Variants in FRA10AC1 observed in about 807,000 individuals in gnomAD.
The protein encoded by FRA10AC1 is protein FRA10AC1.
Under a neutral mutation model 56.5 loss-of-function variants are expected in FRA10AC1, and 43 were observed. The observed-to-expected ratio is 0.76, with a 90% CI of 0.60 to 0.98. The LOEUF (loss-of-function observed/expected upper bound fraction) is 0.98, where lower values mean the gene tolerates loss of function less well. Ranked by LOEUF, FRA10AC1 falls within the 50% of genes least tolerant of loss-of-function variation. The pLI, the probability that FRA10AC1 is intolerant of heterozygous loss-of-function variation, is 0.00. For missense variants in FRA10AC1, 346 were observed against 351.8 expected, an observed-to-expected ratio of 0.98 and a Z score of 0.13; for synonymous variants, 112 against 110.5, an observed-to-expected ratio of 1.01 and a Z score of -0.09.
At chr10:93,699,579 CG>C (rs1446843498) in intron 2 of FRA10AC1, among the ~76,000 whole-genome samples, 1 of 152,150 alleles carries the variant, frequency 6.6e-6, no homozygotes, top group Admixed American at 6.5e-5. Context: ...AGTTTCTTCC[CG>C]TGACCTTAGT....
intron 12 of FRA10AC1, chr10:93,672,293 G>C (rs41290228): frequency 0.042 from 8,567 of 203,172 alleles, 264 homozygotes; most frequent in Non-Finnish European, 0.061. Context: ...AATGGCAAAA[G>C]TGGGGGAGGG....
At position 93,698,149 on chromosome 10, in the gene FRA10AC1, A is replaced by G. The variant is rs1240099114; in HGVS notation, c.206T>C (p.Ile69Thr). ...EEARNRRFHL[I>T]AMDAYQRHTK... is the part of the protein sequence containing the mutation. ...AAAAAAGGATACAGCATCCATAGCT[A>G]TGAGATGAAACCTTCTATTTCTTGC... Residue 69 changes from isoleucine to threonine, a missense_variant, in exon 4 of 14, where the codon ATA becomes ACA. Physicochemically the swap from Ile to Thr is moderately conservative, Grantham distance 89. Transcript: ENST00000359204. The G allele has an allele frequency of 6.4e-7, 1 of 1,571,650 alleles. No individual in the cohort carries two copies.
At chr10:93,677,819 C>T (rs569126661) in intron 11 of FRA10AC1, among the ~76,000 whole-genome samples, 35 of 152,282 alleles carry the variant, frequency 2.3e-4, no homozygotes, top group African/African-American at 8.2e-4. Flanking sequence ...TTCCTAAATG[C>T]TGCCCAGAGG....
chr10:93,693,518 TATATATATACACC>T (rs377732369), intron 5 of FRA10AC1, among the ~76,000 whole-genome samples: 44,656 of 79,774 alleles, frequency 0.56, 13,260 homozygotes, highest in Middle Eastern at 0.64. Flanking sequence ...ACACCATATA[TATATATATACACC>T]ATATATATAT....
At chr10:93,702,253 CA>C (rs569149091) in intron 1 of FRA10AC1, 121 bp downstream of exon 1, 145 of 101,736 alleles carry the variant, frequency 1.4e-3, no homozygotes, top group Middle Eastern at 4.8e-3. Flanking sequence ...ATCTGTCATC[CA>C]AAAAAAAAAA....
At chr10:93,670,611 T>C (rs1224581454) in intron 13 of FRA10AC1, among the ~76,000 whole-genome samples, 159 bp downstream of exon 13, 1 of 152,176 alleles carries the variant, frequency 6.6e-6, no homozygotes, top group Non-Finnish European at 1.5e-5. Context: ...TGGCTGCTTA[T>C]GACAATGGCT....
intron 7 of FRA10AC1, among the ~76,000 whole-genome samples, chr10:93,689,445 A>AGCC (rs2059087474): frequency 6.6e-6 from 1 of 152,158 alleles, no homozygotes; most frequent in Admixed American, 6.6e-5. Flanking sequence ...TCTATTTTTC[A>AGCC]GCCTATATAT....
intron 12 of FRA10AC1, chr10:93,675,275 A>T (rs1328871302): frequency 6.6e-6 from 1 of 152,220 alleles, no homozygotes; most frequent in East Asian, 1.9e-4. Context: ...TTTCTTGTTA[A>T]GAATTATACT....
At chr10:93,696,031 G>T (rs571249300) in intron 4 of FRA10AC1, among the ~76,000 whole-genome samples, 22 of 152,334 alleles carry the variant, frequency 1.4e-4, no homozygotes, top group African/African-American at 4.6e-4. Flanking sequence ...GGTGGTGGGT[G>T]TAACTTTTGC....
Position 93,676,711 on chromosome 10 carries a change from G to A in FRA10AC1, c.788-20C>T. 1 of 1,559,616 alleles carries A rather than the reference G, an allele frequency of 6.4e-7. No homozygotes were observed. Among genetic ancestry groups the A allele is most frequent in the Non-Finnish European group, 8.6e-7 (1 of 1,157,264 alleles). On this transcript the variant is annotated intron_variant, in intron 11 of 13. Transcript: ENST00000359204. ...AATGTCCTGAAAAGGAAACATCATTGATTTATTAACTATCATCTTGTAATA... is the reference window on the plus strand; with the variant it reads ...AATGTCCTGAAAAGGAAACATCATTAATTTATTAACTATCATCTTGTAATA...
chr10:93,693,711 C>A (rs1282296174), intron 5 of FRA10AC1, among the ~76,000 whole-genome samples: 5 of 89,778 alleles, frequency 5.6e-5, no homozygotes, highest in East Asian at 3.2e-4. Flanking sequence ...ATACACACAC[C>A]ATTTATATAT....
rs777039487 is a variant in FRA10AC1, at chr10:93,694,908, G to A, written c.249C>T (p.Asp83=). The A allele has an allele frequency of 6.3e-7, 1 of 1,578,684 alleles. No individual in the cohort carries two copies. The highest frequency in any genetic ancestry group is 1.1e-5 in the South Asian group (1 of 90,168). The change falls in exon 5 of 14, where the codon GAC becomes GAT. Residue 83 remains aspartate, a synonymous_variant. Transcript: ENST00000359204. The part of the protein sequence containing the change: ...AYQRHTKFVN[D]YILYYGGKKE... ...TTTTGCCACCATAGTATAAAATATA[G>A]TCATTTACGAACTTTGTATGTCTTT...
At position 93,669,641 on chromosome 10, in the gene FRA10AC1, T is replaced by C. The variant is rs918762049; in HGVS notation, c.*185A>G. The C allele has an allele frequency of 7.0e-6, 4 of 574,604 alleles. No individual in the cohort carries two copies. Among genetic ancestry groups the C allele is most frequent in the East Asian group, 3.0e-5 (1 of 32,830 alleles). 35.6% of individuals were successfully genotyped at this position (574,604 alleles called of 1,614,324 possible). ...AAAAGATATTTAAAGGACAGGAAAG[T>C]CTTTAATTGAACTAATGAACTTCCA... On this transcript the variant is annotated 3_prime_UTR_variant, in exon 14 of 14. Transcript: ENST00000359204.
intron 8 of FRA10AC1, among the ~76,000 whole-genome samples, chr10:93,686,510 T>C (rs2059030165): frequency 1.3e-5 from 2 of 151,770 alleles, no homozygotes; most frequent in African/African-American, 2.4e-5. Context: ...GGATTTCTCA[T>C]TATTTTAGAT....
intron 12 of FRA10AC1, 76 bp from the exon 13 acceptor site, chr10:93,670,924 T>C: frequency 1.1e-6 from 1 of 902,120 alleles, no homozygotes; most frequent in East Asian, 2.6e-5. Context: ...CCAATACAAT[T>C]AACTTTTTAT....
chr10:93,698,343 C>T lies in FRA10AC1; in HGVS notation c.131G>A (p.Gly44Glu), dbSNP rs1053397215. The T allele has an allele frequency of 3.1e-6, 5 of 1,611,850 alleles. No homozygotes were observed. The highest frequency in any genetic ancestry group is 2.7e-5 in the African/African-American group (2 of 74,894). Residue 44 changes from glycine to glutamate, a missense_variant, in exon 3 of 14, where the codon GGA (glycine) becomes GAA (glutamate). Transcript: ENST00000359204. ...TGCAACTTGTTTATGGGCCACCTTT[C>T]CATGTTTTTCTTTCTGAAATGGTTT... ...LQKPFQKEKH[G>E]KVAHKQVAAE...
intron 7 of FRA10AC1, among the ~76,000 whole-genome samples, chr10:93,691,276 A>G (rs891890171): frequency 6.6e-6 from 1 of 152,112 alleles, no homozygotes; most frequent in African/African-American, 2.4e-5. Flanking sequence ...CCTGGACTCA[A>G]GCAACCTTCT....
In FRA10AC1 at chr10:93,692,841, G is replaced by C. The variant is rs979446595; in HGVS notation, c.297-112C>G. Reference sequence around the variant, plus strand: ...ATTAAAAATATAATACATGAAGATAGTTTTTTGGTGAGTATAAATTTGTTC... The same window carrying C: ...ATTAAAAATATAATACATGAAGATACTTTTTTGGTGAGTATAAATTTGTTC... On this transcript the variant is annotated intron_variant, in intron 5 of 13. Coordinates refer to ENST00000359204, the MANE Select transcript of FRA10AC1 (RefSeq NM_145246.5). 17 of 558,212 alleles carry C rather than the reference G, an allele frequency of 3.0e-5. No individual in the cohort carries two copies. The African/African-American group carries it at 3.2e-4, about 10-fold the overall frequency. 34.6% of individuals were successfully genotyped at this position (558,212 alleles called of 1,614,324 possible). A position where few individuals can be genotyped will look rare whatever the true frequency, so the allele number is the denominator to read the frequency against.
chr10:93,685,918 C>T (rs1362837206), intron 8 of FRA10AC1, among the ~76,000 whole-genome samples: 3 of 151,742 alleles, frequency 2.0e-5, no homozygotes, highest in Non-Finnish European at 4.4e-5. Flanking sequence ...AAGTACAATA[C>T]GCAGTCAAAC....
Sources: gnomAD v4.1 joint callset for allele counts (sites outside exome capture counted in the v4.1 genomes callset) on GRCh38, gnomAD v4.1.1 for gene constraint, MANE v1.5 for transcripts, NCBI Gene and HGNC (gene_info 2026-07-23, HGNC 2026-07-21) for gene names.